The following NLRC5 variants were observed in gnomAD, a reference collection of about 807,000 sequenced individuals.
The protein encoded by NLRC5 is NLR family CARD domain containing 5.
In NLRC5, 114 loss-of-function variants were observed where a neutral mutation model predicts 206.9. The ratio of observed to expected loss-of-function variants is 0.55; its 90% CI spans 0.47 to 0.64. NLRC5 has a LOEUF of 0.64. Ranked by LOEUF, NLRC5 falls within the 30% of genes least tolerant of loss-of-function variation. The probability of loss-of-function intolerance (pLI) is 0.00; values close to 1 mark genes in which losing one functional copy is unlikely to be tolerated. For missense variants in NLRC5, 2,008 were observed against 2,305.5 expected (o/e 0.87, Z 2.64); for synonymous variants, 952 against 962.8 (o/e 0.99, Z 0.21).
intron 8 of NLRC5, 81 bp from the exon 9 acceptor site, chr16:57,029,691 TG>T: frequency 9.1e-7 from 1 of 1,103,930 alleles, no homozygotes; most frequent in Non-Finnish European, 1.4e-6. Context: ...CACATGAGGG[TG>T]GCCATCCTGT....
intron 1 of NLRC5, among the ~76,000 whole-genome samples, chr16:57,009,720 C>T (rs2059298994): frequency 6.6e-6 from 1 of 152,138 alleles, no homozygotes. Context: ...CCAAAAATAA[C>T]CAACCAACAC....
rs201515449 is a variant in NLRC5 at position 56,998,194 on chromosome 16, C to CT, written c.-128+8594dup. ...GGGCCCAGCCTCAAGTCACTGATGT[C>CT]TTTTTTTTTTTTTTTTTACTTTAAA... On this transcript the variant is annotated intron_variant, in intron 1 of 48. Transcript: ENST00000688547. Among the ~76,000 whole-genome samples the CT allele has an allele frequency of 4.2e-3, 579 of 137,692 alleles. 2 individuals carry two copies. Among genetic ancestry groups the CT allele is most frequent in the African/African-American group, 8.8e-3 (329 of 37,420 alleles). The allele number at this position is 137,692 out of a possible 152,430, so 90.3% of individuals were successfully genotyped here. A position where few individuals can be genotyped will look rare whatever the true frequency, so the allele number is the denominator to read the frequency against.
chr16:57,027,672 A>G (rs2061392349), intron 6 of NLRC5, among the ~76,000 whole-genome samples: 1 of 152,162 alleles, frequency 6.6e-6, no homozygotes, highest in Non-Finnish European at 1.5e-5. Flanking sequence ...TGGGAATCCT[A>G]TCTGCACAGT....
At chr16:56,997,648 T>C (rs1480535310) in intron 1 of NLRC5, among the ~76,000 whole-genome samples, 1 of 152,116 alleles carries the variant, frequency 6.6e-6, no homozygotes, top group African/African-American at 2.4e-5. Context: ...TATCACGGCT[T>C]ACTGCGCCTC....
intron 38 of NLRC5, among the ~76,000 whole-genome samples, chr16:57,071,830 G>C (rs1440535162): frequency 6.6e-6 from 1 of 151,820 alleles, no homozygotes; most frequent in Non-Finnish European, 1.5e-5. Flanking sequence ...GTGGTTAATG[G>C]GGAAAGGAGT....
intron 7 of NLRC5, 48 bp from the exon 8 acceptor site, chr16:57,028,254 C>T: frequency 6.3e-7 from 1 of 1,590,716 alleles, no homozygotes; most frequent in Non-Finnish European, 8.6e-7. Context: ...CCTGGCCCCG[C>T]CCTTTTCCCC....
At chr16:57,042,528 G>A (rs1044334711) in intron 19 of NLRC5, among the ~76,000 whole-genome samples, 3 of 152,150 alleles carry the variant, frequency 2.0e-5, no homozygotes, top group East Asian at 1.9e-4. Flanking sequence ...AGAGTGTGTA[G>A]GAGGAATCCC....
At position 57,074,693 on chromosome 16, in the gene NLRC5, C is replaced by T. The variant is rs375166073; in HGVS notation, c.4751+10C>T. Reference sequence around the variant, plus strand: ...GCCTGCAGAGCCTCAGGTGAGTGACCGAGCGGCCCCATGGGAATGAGTGGG... The same window carrying T: ...GCCTGCAGAGCCTCAGGTGAGTGACTGAGCGGCCCCATGGGAATGAGTGGG... On this transcript the variant is annotated intron_variant, in intron 39 of 48. Transcript: ENST00000688547. 9.3e-6 allele frequency: 15 copies of T among 1,612,818 alleles called. No individual in the cohort carries two copies. Among genetic ancestry groups the T allele is most frequent in the Admixed American group, 3.3e-5 (2 of 59,980 alleles).
chr16:57,041,318 G>A (rs575769960), intron 17 of NLRC5, 167 bp from the exon 18 acceptor site: 64 of 591,210 alleles, frequency 1.1e-4, no homozygotes, highest in African/African-American at 1.0e-3. Flanking sequence ...TGTGGGTGTC[G>A]TGTGTGTTGG....
In NLRC5 at chr16:56,993,696, A is replaced by G. The variant is rs183693439; in HGVS notation, c.-128+4079A>G. 1.0e-3 allele frequency among the ~76,000 whole-genome samples: 155 copies of G among 152,308 alleles called. 3 individuals carry two copies. Among genetic ancestry groups the G allele is most frequent in the South Asian group, 4.1e-4 (2 of 4,832 alleles). On this transcript the variant is annotated intron_variant, in intron 1 of 48. Coordinates refer to ENST00000688547, the MANE Select transcript of NLRC5 (RefSeq NM_001384950.1). ...AGTTTGAACATCTTTTCAAATATTT[A>G]AGAGTCACCTGTAGCTCATTTTCCA... is the stretch of plus-strand genomic sequence containing the variant.
intron 18 of NLRC5, 152 bp downstream of exon 18, chr16:57,041,726 C>T: frequency 1.4e-6 from 1 of 702,500 alleles, no homozygotes; most frequent in East Asian, 2.7e-5. Flanking sequence ...AGTTGTGACT[C>T]TTCCTCCCAA....
chr16:57,005,931 G>GA (rs371168402), intron 1 of NLRC5, among the ~76,000 whole-genome samples: 40 of 149,178 alleles, frequency 2.7e-4, no homozygotes, highest in African/African-American at 9.6e-4. Flanking sequence ...AAAAAAAAAG[G>GA]AAAAAAAATT....
chr16:57,034,385 T>C (rs2062256234), intron 13 of NLRC5, 134 bp downstream of exon 13: 1 of 667,998 alleles, frequency 1.5e-6, no homozygotes, highest in Non-Finnish European at 2.6e-6. Flanking sequence ...AATCAGATCA[T>C]TGTAACAGCT....
intron 1 of NLRC5, chr16:56,992,278 A>G (rs966898991): frequency 6.6e-6 from 1 of 152,166 alleles, no homozygotes; most frequent in Admixed American, 6.5e-5. Flanking sequence ...GTGACAGCAG[A>G]TACAGCAGTA....
chr16:57,034,564 G>C (rs1040824163), intron 13 of NLRC5: 1 of 295,424 alleles, frequency 3.4e-6, no homozygotes. Flanking sequence ...ACACAGGTAG[G>C]AAGAGTCTAG....
At chr16:57,030,907 G>T (rs1439335536) in intron 10 of NLRC5, among the ~76,000 whole-genome samples, 1 of 152,114 alleles carries the variant, frequency 6.6e-6, no homozygotes, top group South Asian at 2.1e-4. Context: ...TCAGGAGTTC[G>T]AGACCAACCT....
chr16:57,081,862 T>C (rs1305664384), intron 48 of NLRC5, among the ~76,000 whole-genome samples: 1 of 152,258 alleles, frequency 6.6e-6, no homozygotes, highest in Non-Finnish European at 1.5e-5. Context: ...GAAATGGGGA[T>C]ACTGATAGTA....
chr16:57,066,855 GGGCATTTGCACAGGC>G (rs2067134864), intron 34 of NLRC5, among the ~76,000 whole-genome samples: 2 of 152,140 alleles, frequency 1.3e-5, no homozygotes, highest in African/African-American at 4.8e-5. Flanking sequence ...TTAGACCTTA[GGGCATTTGCACAGGC>G]TGTGCTCTCT....
chr16:57,060,191 C>T (rs1267852098), intron 30 of NLRC5, among the ~76,000 whole-genome samples: 10 of 151,934 alleles, frequency 6.6e-5, no homozygotes, highest in Non-Finnish European at 1.3e-4. Context: ...ATTCACTCCA[C>T]AGCCCCCAGA....
Sources: allele counts gnomAD v4.1 joint callset (sites outside exome capture counted in the v4.1 genomes callset), GRCh38; gene constraint gnomAD v4.1.1; transcripts MANE v1.5; gene names NCBI Gene and HGNC (gene_info 2026-07-23, HGNC 2026-07-21).